Variants in LKAAEAR1 observed in about 807,000 individuals in gnomAD.
LKAAEAR1 encodes the protein protein LKAAEAR1.
Under a neutral mutation model 16.5 loss-of-function variants are expected in LKAAEAR1, and 19 were observed. The observed-to-expected ratio is 1.15, with a 90% CI of 0.80 to 1.69. The LOEUF is 1.69. LKAAEAR1 is among the 40% of genes most tolerant of loss of function. The pLI is 0.00. For missense variants in LKAAEAR1, 304 were observed against 315.8 expected (o/e 0.96, Z 0.28); for synonymous variants, 124 against 152.7 (o/e 0.81, Z 1.39).
chr20:64,084,501 C>CAA, upstream of LKAAEAR1: 2 of 734,428 alleles, frequency 2.7e-6, no homozygotes, highest in Non-Finnish European at 3.6e-6. Flanking sequence ...ATCTTTCCTA[C>CAA]CCGATGGACT....
At chr20:64,084,474 A>C, upstream of LKAAEAR1, 3 of 925,822 alleles carry the variant, frequency 3.2e-6, no homozygotes, top group Non-Finnish European at 4.2e-6. Flanking sequence ...TTTCTGATCA[A>C]CTCAGTTGTA....
Position 64,083,859 on chromosome 20 carries a change from C to T in LKAAEAR1, c.361G>A (p.Gly121Arg), listed in dbSNP as rs1412194107. 1.4e-6 allele frequency: 2 copies of T among 1,414,752 alleles called. No individual in the cohort carries two copies. Among genetic ancestry groups the T allele is most frequent in the East Asian group, 6.1e-5 (2 of 32,560 alleles). 87.6% of individuals were successfully genotyped at this position (1,414,752 alleles called of 1,614,324 possible). Residue 121 changes from glycine (G) to arginine (R), a missense_variant, in exon 1 of 3, where the codon GGG (glycine) becomes AGG (arginine). Transcript: ENST00000302096. The surrounding 1 kb of genome is among the most constrained non-coding windows in gnomAD (Gnocchi z 4.9). ...CGCAGCCGCAGGGCGCGGACTCGCC[C>T]GCGGGCCTCCGCTGCCTTGAGGACG... Reference protein sequence around the residue: ...LGVLKAAEARGRVRALRLRYT... With the variant: ...LGVLKAAEARRRVRALRLRYT...
Position 64,083,558 on chromosome 20 carries a change from C to T in LKAAEAR1, c.525+25G>A, listed in dbSNP as rs1293149336. The T allele has an allele frequency of 3.9e-6, 6 of 1,531,022 alleles. No homozygotes were observed. Among genetic ancestry groups the T allele is most frequent in the Admixed American group, 2.1e-5 (1 of 47,952 alleles). The allele number at this position is 1,531,022 out of a possible 1,614,324, so 94.8% of individuals were successfully genotyped here. On this transcript the variant is annotated intron_variant, in intron 2 of 2. Coordinates refer to ENST00000302096, the MANE Select transcript of LKAAEAR1 (RefSeq NM_001353425.2). This position sits in a 1 kb window ranked among gnomAD's most constrained non-coding sequence, Gnocchi z 4.9. ...GCGGGCAGGGCCCCTCCCCTTTCCC[C>T]GCCCCTACCGGGGCTTGTCTGCACC...
In LKAAEAR1 at chr20:64,083,603, C is replaced by T; in HGVS notation, c.505G>A (p.Asp169Asn). 4.7e-6 allele frequency: 7 copies of T among 1,483,602 alleles called. No homozygotes were observed. The highest frequency in any genetic ancestry group is 5.4e-6 in the Non-Finnish European group (6 of 1,117,756). The allele number at this position is 1,483,602 out of a possible 1,614,324, so 91.9% of individuals were successfully genotyped here. The change falls in exon 2 of 3, where the codon GAC becomes AAC. Residue 169 changes from aspartate (D) to asparagine (N), a missense_variant. By Grantham distance (23) the Asp-to-Asn change is conservative. Transcript: ENST00000302096. The surrounding 1 kb of genome is among the most constrained non-coding windows in gnomAD (Gnocchi z 4.9). Reference protein sequence around the residue: ...PPQLKPARIPDPLDRQERRRV... With the variant: ...PPQLKPARIPNPLDRQERRRV... The stretch of plus-strand genomic sequence containing the variant: ...TGCACCTCTTGGCGGTCCAGGGGGT[C>T]CGGGATCCGCGCGGGCTTCAGCTGC...
Position 64,083,411 on chromosome 20 carries a change from C to A in LKAAEAR1, c.*24G>T. ...TATAACTTTATGTGGGAGGCTGGGG[C>A]GCGTCGCACACTCTCAGTCGCCGTC... On this transcript the variant is annotated 3_prime_UTR_variant, in exon 3 of 3. Coordinates refer to ENST00000302096, the MANE Select transcript of LKAAEAR1 (RefSeq NM_001353425.2). This position sits in a 1 kb window ranked among gnomAD's most constrained non-coding sequence, Gnocchi z 4.9. 1 of 1,611,706 alleles carries A rather than the reference C, an allele frequency of 6.2e-7. No homozygotes were observed. Among genetic ancestry groups the A allele is most frequent in the Non-Finnish European group, 8.5e-7 (1 of 1,179,534 alleles).
At position 64,083,699 on chromosome 20, in the gene LKAAEAR1, C is replaced by T. The variant is rs1451278088; in HGVS notation, c.409G>A (p.Glu137Lys). ...TGCCGCTGGATGAGCAGCGCGATCT[C>T]CTCGGCCTGCGGGGCCCGGGTAGCT... Reference protein sequence around the residue: ...RLRYTRMRAEEIALLIQRQKS... With the variant: ...RLRYTRMRAEKIALLIQRQKS... The change falls in exon 2 of 3, where the codon GAG (glutamate) becomes AAG (lysine). Residue 137 changes from glutamate to lysine, a missense_variant. By Grantham distance (56) the Glu-to-Lys change is moderately conservative (BLOSUM62 1). Coordinates refer to ENST00000302096, the MANE Select transcript of LKAAEAR1 (RefSeq NM_001353425.2). The surrounding 1 kb of genome is among the most constrained non-coding windows in gnomAD (Gnocchi z 4.9). The T allele has an allele frequency of 2.2e-6, 3 of 1,392,482 alleles. No individual in the cohort carries two copies. The highest frequency in any genetic ancestry group is 2.8e-6 in the Non-Finnish European group (3 of 1,082,028). The allele number at this position is 1,392,482 out of a possible 1,614,324, so 86.3% of individuals were successfully genotyped here.
In LKAAEAR1 at chr20:64,083,580, C is replaced by T. The variant is rs1242492576; in HGVS notation, c.525+3G>A. On this transcript the variant is annotated splice_donor_region_variant and intron_variant, in intron 2 of 2. Coordinates refer to ENST00000302096, the MANE Select transcript of LKAAEAR1 (RefSeq NM_001353425.2). This position sits in a 1 kb window ranked among gnomAD's most constrained non-coding sequence, Gnocchi z 4.9. ...CCCCGCCCCTACCGGGGCTTGTCTGCACCTCTTGGCGGTCCAGGGGGTCCG... is the reference window on the plus strand; with the variant it reads ...CCCCGCCCCTACCGGGGCTTGTCTGTACCTCTTGGCGGTCCAGGGGGTCCG... 4.0e-6 allele frequency: 6 copies of T among 1,512,794 alleles called. No individual in the cohort carries two copies. The South Asian group carries it at 4.9e-5, about 12-fold the overall frequency. 93.7% of individuals were successfully genotyped at this position (1,512,794 alleles called of 1,614,324 possible).
chr20:64,083,877 T>A lies in LKAAEAR1; in HGVS notation c.343A>T (p.Lys115Ter). 3 of 1,436,334 alleles carry A rather than the reference T, an allele frequency of 2.1e-6. No individual in the cohort carries two copies. Among genetic ancestry groups the A allele is most frequent in the Non-Finnish European group, 2.7e-6 (3 of 1,101,984 alleles). 89.0% of individuals were successfully genotyped at this position (1,436,334 alleles called of 1,614,324 possible). The change falls in exon 1 of 3, where the codon AAG becomes TAG. Residue 115 changes from lysine to a stop codon, truncating the protein, a stop_gained. Transcript: ENST00000302096. LOFTEE classifies it high-confidence loss of function. The surrounding 1 kb of genome is among the most constrained non-coding windows in gnomAD (Gnocchi z 4.9). ...ERQNRLLGVL[K>*]AAEARGRVRA... Reference sequence around the variant, plus strand: ...ACTCGCCCGCGGGCCTCCGCTGCCTTGAGGACGCCGAGGAGCCGGTTCTGG... The same window carrying A: ...ACTCGCCCGCGGGCCTCCGCTGCCTAGAGGACGCCGAGGAGCCGGTTCTGG...
upstream of LKAAEAR1, chr20:64,084,933 GGTC>G (rs1487875906): frequency 6.6e-6 from 1 of 152,108 alleles, no homozygotes; most frequent in Non-Finnish European, 1.5e-5. Flanking sequence ...TGCCTTCTCT[GGTC>G]GGAAGAACCT....
chr20:64,084,038 C>A lies in LKAAEAR1; in HGVS notation c.182G>T (p.Arg61Leu). 1 of 1,502,566 alleles carries A rather than the reference C, an allele frequency of 6.7e-7. No homozygotes were observed. The highest frequency in any genetic ancestry group is 1.4e-5 in the African/African-American group (1 of 69,098). 93.1% of individuals were successfully genotyped at this position (1,502,566 alleles called of 1,614,324 possible). ...LAAMLPAQRHRHLLFGDLLED... is the reference protein window; with the variant it reads ...LAAMLPAQRHLHLLFGDLLED... The stretch of plus-strand genomic sequence containing the variant: ...CAGCAGGTCGCCGAAGAGCAGATGG[C>A]GGTGGCGCTGCGCAGGGAGCATGGC... The change falls in exon 1 of 3, where the codon CGC becomes CTC. Residue 61 changes from arginine to leucine, a missense_variant. Physicochemically the swap from Arg to Leu is moderately radical, Grantham distance 102 (BLOSUM62 -2). Transcript: ENST00000302096.
chr20:64,083,407 G>A lies in LKAAEAR1; in HGVS notation c.*28C>T, dbSNP rs1361528986. On this transcript the variant is annotated 3_prime_UTR_variant, in exon 3 of 3. Transcript: ENST00000302096. The surrounding 1 kb of genome is among the most constrained non-coding windows in gnomAD (Gnocchi z 4.9). ...GAATTATAACTTTATGTGGGAGGCT[G>A]GGGCGCGTCGCACACTCTCAGTCGC... is the stretch of plus-strand genomic sequence containing the variant. 6.2e-7 allele frequency: 1 copy of A among 1,611,748 alleles called. No individual in the cohort carries two copies. The highest frequency in any genetic ancestry group is 8.5e-7 in the Non-Finnish European group (1 of 1,179,542).
In LKAAEAR1 at chr20:64,084,318, C is replaced by A; in HGVS notation, c.-99G>T. ...CAGGGCCCCAACGTGCGCCCCAGCT[C>A]CCGCCCGCTGGGCTCTCCGCAGTCG... On this transcript the variant is annotated 5_prime_UTR_variant, in exon 1 of 3. Coordinates refer to ENST00000302096, the MANE Select transcript of LKAAEAR1 (RefSeq NM_001353425.2). 1 of 1,293,076 alleles carries A rather than the reference C, an allele frequency of 7.7e-7. No homozygotes were observed. The highest frequency in any genetic ancestry group is 3.2e-5 in the East Asian group (1 of 30,828). The allele number at this position is 1,293,076 out of a possible 1,614,324, so 80.1% of individuals were successfully genotyped here.
At position 64,083,709 on chromosome 20, in the gene LKAAEAR1, C is replaced by G; in HGVS notation, c.403-4G>C. On this transcript the variant is annotated splice_polypyrimidine_tract_variant and splice_region_variant and intron_variant, in intron 1 of 2. Coordinates refer to ENST00000302096, the MANE Select transcript of LKAAEAR1 (RefSeq NM_001353425.2). The surrounding 1 kb of genome is among the most constrained non-coding windows in gnomAD (Gnocchi z 4.9). ...TGAGCAGCGCGATCTCCTCGGCCTGCGGGGCCCGGGTAGCTGAGCGCGCGC... is the reference window on the plus strand; with the variant it reads ...TGAGCAGCGCGATCTCCTCGGCCTGGGGGGCCCGGGTAGCTGAGCGCGCGC... 7.3e-7 allele frequency: 1 copy of G among 1,378,214 alleles called. No homozygotes were observed. The highest frequency in any genetic ancestry group is 9.3e-7 in the Non-Finnish European group (1 of 1,074,994). The allele number at this position is 1,378,214 out of a possible 1,614,324, so 85.4% of individuals were successfully genotyped here. A position where few individuals can be genotyped will look rare whatever the true frequency, so the allele number is the denominator to read the frequency against.
rs746750551 is a variant in LKAAEAR1 at position 64,084,157 on chromosome 20, C to A, written c.63G>T (p.Ala21=). The A allele has an allele frequency of 5.2e-5, 75 of 1,454,294 alleles. No homozygotes were observed. The highest frequency in any genetic ancestry group is 6.7e-5 in the Non-Finnish European group (74 of 1,111,286). The allele number at this position is 1,454,294 out of a possible 1,614,324, so 90.1% of individuals were successfully genotyped here. A position where few individuals can be genotyped will look rare whatever the true frequency, so the allele number is the denominator to read the frequency against. Residue 21 remains alanine, a synonymous_variant, in exon 1 of 3, where the codon GCG becomes GCT. Transcript: ENST00000302096. ...KGPRERSGKS[A]PGTAQGEERA... ...GCTCCTCACCCTGCGCCGTGCCTGGCGCGCTCTTCCCGCTTCGCTCCCGCG... is the reference window on the plus strand; with the variant it reads ...GCTCCTCACCCTGCGCCGTGCCTGGAGCGCTCTTCCCGCTTCGCTCCCGCG...
chr20:64,083,894 C>T lies in LKAAEAR1; in HGVS notation c.326G>A (p.Arg109Gln), dbSNP rs958103831. 2.1e-6 allele frequency: 3 copies of T among 1,442,044 alleles called. No individual in the cohort carries two copies. The highest frequency in any genetic ancestry group is 3.0e-5 in the East Asian group (1 of 32,804). The allele number at this position is 1,442,044 out of a possible 1,614,324, so 89.3% of individuals were successfully genotyped here. Residue 109 changes from arginine to glutamine, a missense_variant, in exon 1 of 3, where the codon CGG (arginine) becomes CAG (glutamine). Transcript: ENST00000302096. The surrounding 1 kb of genome is among the most constrained non-coding windows in gnomAD (Gnocchi z 4.9). ...CGCTGCCTTGAGGACGCCGAGGAGC[C>T]GGTTCTGGCGCTCGGCGGGCAGCTC... ...SLELPAERQN[R>Q]LLGVLKAAEA...
upstream of LKAAEAR1, chr20:64,084,951 C>G (rs537105312): frequency 6.6e-6 from 1 of 152,288 alleles, no homozygotes; most frequent in Admixed American, 6.5e-5. Flanking sequence ...GAACCTCCGC[C>G]GTAGCCCAGA....
chr20:64,084,517 G>A (rs529743380), upstream of LKAAEAR1, among the ~76,000 whole-genome samples: 34 of 152,322 alleles, frequency 2.2e-4, no homozygotes, highest in African/African-American at 7.7e-4. Flanking sequence ...GGACTGTTCT[G>A]TTTGAATTGA....
chr20:64,084,002 C>A lies in LKAAEAR1; in HGVS notation c.218G>T (p.Gly73Val). The change falls in exon 1 of 3, where the codon GGC becomes GTC. Residue 73 changes from glycine to valine, a missense_variant. Coordinates refer to ENST00000302096, the MANE Select transcript of LKAAEAR1 (RefSeq NM_001353425.2). Reference protein sequence around the residue: ...LLFGDLLEDVGAAASTFPCGS... With the variant: ...LLFGDLLEDVVAAASTFPCGS... ...GCACGGGAAGGTGGAGGCCGCCGCG[C>A]CCACGTCCTCCAGCAGGTCGCCGAA... The A allele has an allele frequency of 6.7e-7, 1 of 1,494,868 alleles. No individual in the cohort carries two copies. Among genetic ancestry groups the A allele is most frequent in the African/African-American group, 1.5e-5 (1 of 68,868 alleles). The allele number at this position is 1,494,868 out of a possible 1,614,324, so 92.6% of individuals were successfully genotyped here.
In LKAAEAR1 at chr20:64,083,567, C is replaced by G; in HGVS notation, c.525+16G>C. On this transcript the variant is annotated intron_variant, in intron 2 of 2. Coordinates refer to ENST00000302096, the MANE Select transcript of LKAAEAR1 (RefSeq NM_001353425.2). This position sits in a 1 kb window ranked among gnomAD's most constrained non-coding sequence, Gnocchi z 4.9. ...GCCCCTCCCCTTTCCCCGCCCCTAC[C>G]GGGGCTTGTCTGCACCTCTTGGCGG... The G allele has an allele frequency of 6.6e-7, 1 of 1,525,710 alleles. No homozygotes were observed. Among genetic ancestry groups the G allele is most frequent in the Non-Finnish European group, 8.8e-7 (1 of 1,136,284 alleles). The allele number at this position is 1,525,710 out of a possible 1,614,324, so 94.5% of individuals were successfully genotyped here.
Sources: allele counts gnomAD v4.1 joint callset (sites outside exome capture counted in the v4.1 genomes callset), GRCh38; gene constraint gnomAD v4.1.1; non-coding constraint Gnocchi (gnomAD v3.1); transcripts MANE v1.5; gene names NCBI Gene and HGNC (gene_info 2026-07-23, HGNC 2026-07-21).